RNGTT: variants seen among roughly 807,000 people sequenced by gnomAD.
The protein encoded by RNGTT is RNA guanylyltransferase and 5'-phosphatase, also known as mRNA-capping enzyme.
In RNGTT, 33 loss-of-function variants were observed where a neutral mutation model predicts 79.3. The observed-to-expected ratio is 0.42, with a 90% CI of 0.32 to 0.56. RNGTT has a LOEUF of 0.56. Among genes scored for constraint, RNGTT ranks in the 20% least tolerant of loss-of-function variants. The pLI is 0.17. For synonymous variants in RNGTT, 222 were observed against 235.9 expected (o/e 0.94, Z 0.54); for missense variants, 497 against 739.1 (o/e 0.67, Z 3.80).
Position 88,620,848 on chromosome 6 carries a change from C to T in RNGTT, c.1507-6453G>A, listed in dbSNP as rs537593816. ...AGTTTTAATACAGAATTCCTTTAGA[C>T]GACATTATGTCTTTGTAAAGCTGGG... On this transcript the variant is annotated intron_variant, in intron 14 of 15. Coordinates refer to ENST00000369485, the MANE Select transcript of RNGTT (RefSeq NM_003800.5). Among the ~76,000 whole-genome samples, 24 of 152,222 alleles carry T rather than the reference C, an allele frequency of 1.6e-4. 1 individual carries two copies. In the South Asian group the frequency reaches 3.7e-3, roughly 24 times the overall value.
At chr6:88,748,919 T>G (rs1045275589) in intron 13 of RNGTT, among the ~76,000 whole-genome samples, 7 of 151,148 alleles carry the variant, frequency 4.6e-5, no homozygotes, top group Admixed American at 4.6e-4. Flanking sequence ...AAATCTACAG[T>G]ACATCAAATA....
At chr6:88,919,416 A>C (rs1784094532) in intron 4 of RNGTT, among the ~76,000 whole-genome samples, 1 of 152,236 alleles carries the variant, frequency 6.6e-6, no homozygotes, top group African/African-American at 2.4e-5. Context: ...CTATAGCTAT[A>C]CATGTTGGGG....
At chr6:88,888,976 C>T (rs559415484) in intron 8 of RNGTT, among the ~76,000 whole-genome samples, 3 of 152,172 alleles carry the variant, frequency 2.0e-5, no homozygotes, top group African/African-American at 2.4e-5. Context: ...TGTGGTGAGC[C>T]GAGATCGTGC....
intron 13 of RNGTT, among the ~76,000 whole-genome samples, chr6:88,698,062 T>C (rs1775761990): frequency 9.4e-6 from 1 of 106,876 alleles, no homozygotes; most frequent in Admixed American, 9.2e-5. Context: ...ATATATGATA[T>C]ATATATGAAA....
intron 14 of RNGTT, among the ~76,000 whole-genome samples, chr6:88,665,678 T>A (rs1774375705): frequency 6.6e-6 from 1 of 152,210 alleles, no homozygotes; most frequent in South Asian, 2.1e-4. Context: ...GTGTCACCAC[T>A]CATTACACTT....
intron 4 of RNGTT, among the ~76,000 whole-genome samples, chr6:88,912,754 C>G (rs1466421370): frequency 6.6e-6 from 1 of 152,104 alleles, no homozygotes. Flanking sequence ...AGAGACTATT[C>G]TGAATACCTC....
At chr6:88,870,467 C>A (rs968424124) in intron 8 of RNGTT, among the ~76,000 whole-genome samples, 3 of 150,050 alleles carry the variant, frequency 2.0e-5, no homozygotes, top group African/African-American at 7.4e-5. Context: ...ATTCCAACAT[C>A]ATGTTTTTCT....
At chr6:88,678,676 C>T (rs1020238053) in intron 13 of RNGTT, among the ~76,000 whole-genome samples, 2 of 151,960 alleles carry the variant, frequency 1.3e-5, no homozygotes, top group African/African-American at 2.4e-5. Context: ...CCTAGTACCT[C>T]GACAGACTGA....
chr6:88,699,187 A>G (rs1485818987), intron 13 of RNGTT, among the ~76,000 whole-genome samples: 2 of 152,194 alleles, frequency 1.3e-5, no homozygotes, highest in Non-Finnish European at 2.9e-5. Context: ...GCTCAGCAAA[A>G]ATGTGAAAAG....
At chr6:88,689,671 CT>C (rs1315720739) in intron 13 of RNGTT, among the ~76,000 whole-genome samples, 4 of 150,670 alleles carry the variant, frequency 2.7e-5, no homozygotes, top group Non-Finnish European at 5.9e-5. Context: ...TAAAATTTAT[CT>C]TAATACATGA....
intron 14 of RNGTT, 104 bp from the exon 15 acceptor site, chr6:88,614,499 C>T: frequency 9.3e-7 from 1 of 1,076,498 alleles, no homozygotes; most frequent in Non-Finnish European, 1.4e-6. Flanking sequence ...ACCTCAGTAA[C>T]TCTTCATGCA....
chr6:88,801,736 T>C, intron 11 of RNGTT, 104 bp from the exon 12 acceptor site: 1 of 698,698 alleles, frequency 1.4e-6, no homozygotes, highest in Non-Finnish European at 2.4e-6. Context: ...ATATAAGTTA[T>C]AAGAACTGAA....
intron 2 of RNGTT, among the ~76,000 whole-genome samples, chr6:88,930,178 GTATATACATATATACATAAACA>G (rs982720179): frequency 8.9e-5 from 13 of 146,180 alleles, no homozygotes; most frequent in Non-Finnish European, 1.3e-4. Flanking sequence ...ATACATATAT[GTATATACATATATACATAAACA>G]TATATACATA....
At chr6:88,903,981 G>C (rs549406614) in intron 6 of RNGTT, among the ~76,000 whole-genome samples, 2 of 152,164 alleles carry the variant, frequency 1.3e-5, no homozygotes, top group Non-Finnish European at 2.9e-5. Context: ...AGAGAAGTGA[G>C]AGTCTTCTTG....
At chr6:88,798,437 C>G (rs2127860667) in intron 12 of RNGTT, among the ~76,000 whole-genome samples, 1 of 151,582 alleles carries the variant, frequency 6.6e-6, no homozygotes, top group East Asian at 1.9e-4. Flanking sequence ...TGCACACCAG[C>G]CTGGGCAACA....
chr6:88,697,494 T>C (rs937813671), intron 13 of RNGTT, among the ~76,000 whole-genome samples: 2 of 151,878 alleles, frequency 1.3e-5, no homozygotes, highest in Non-Finnish European at 2.9e-5. Flanking sequence ...GAGCTTGTAG[T>C]GAGCAGAGAT....
chr6:88,760,773 C>T (rs1405047277), intron 13 of RNGTT, among the ~76,000 whole-genome samples: 1 of 152,000 alleles, frequency 6.6e-6, no homozygotes, highest in Non-Finnish European at 1.5e-5. Flanking sequence ...TTAATCCTTC[C>T]TTATATAAGA....
In RNGTT at chr6:88,904,813, C is replaced by T. The variant is rs765081144; in HGVS notation, c.586G>A (p.Asp196Asn). The T allele has an allele frequency of 1.9e-6, 3 of 1,614,120 alleles. No individual in the cohort carries two copies. Among genetic ancestry groups the T allele is most frequent in the Non-Finnish European group, 2.5e-6 (3 of 1,180,022 alleles). ...TCATCCTCATCTTCGTCTTCATCAT[C>T]CTCAAAACACCAATCTGGCAATAGA... ...PPLLPDWCFEDDEDEDEDEDG... is the reference protein window; with the variant it reads ...PPLLPDWCFENDEDEDEDEDG... The change falls in exon 6 of 16, where the codon GAT becomes AAT. Residue 196 changes from aspartate (D) to asparagine (N), a missense_variant. Transcript: ENST00000369485.
At chr6:88,803,510 G>C (rs1189958769) in intron 11 of RNGTT, among the ~76,000 whole-genome samples, 4 of 149,070 alleles carry the variant, frequency 2.7e-5, no homozygotes, top group Non-Finnish European at 5.9e-5. Context: ...CCAGGAGGCG[G>C]AGGTTGCAGT....
Sources: allele counts gnomAD v4.1 joint callset (sites outside exome capture counted in the v4.1 genomes callset), GRCh38; gene constraint gnomAD v4.1.1; transcripts MANE v1.5; gene names NCBI Gene and HGNC (gene_info 2026-07-23, HGNC 2026-07-21).